ANKRD44: variants seen among roughly 807,000 people sequenced by gnomAD.
ANKRD44 encodes ankyrin repeat domain 44, also known as serine/threonine-protein phosphatase 6 regulatory ankyrin repeat subunit B.
ANKRD44 carries 35 observed loss-of-function variants against 116.0 expected under a neutral mutation model. The ratio of observed to expected loss-of-function variants is 0.30; its 90% CI spans 0.23 to 0.40. ANKRD44 has a LOEUF of 0.40. Ranked by LOEUF, ANKRD44 falls within the 10% of genes least tolerant of loss-of-function variation. ANKRD44 has a pLI of 1.00. For synonymous variants in ANKRD44, 435 were observed against 461.8 expected, an observed-to-expected ratio of 0.94 and a Z score of 0.74; for missense variants, 1,014 against 1,242.6, an observed-to-expected ratio of 0.82 and a Z score of 2.77.
chr2:196,988,194 T>G lies in ANKRD44; in HGVS notation c.*1397A>C, dbSNP rs2075861133. 2.0e-6 allele frequency: 2 copies of G among 984,662 alleles called. No individual in the cohort carries two copies. The highest frequency in any genetic ancestry group is 2.4e-6 in the Non-Finnish European group (2 of 829,330). 61.0% of individuals were successfully genotyped at this position (984,662 alleles called of 1,614,324 possible). On this transcript the variant is annotated 3_prime_UTR_variant, in exon 28 of 28. Transcript: ENST00000282272. ...AAAAATGTTAACGCTGCTTTGCCAT[T>G]AAAGCAAGCATTTCATTTCCTGCTT...
intron 1 of ANKRD44, among the ~76,000 whole-genome samples, chr2:197,204,523 C>T (rs1444864614): frequency 2.6e-5 from 4 of 152,126 alleles, no homozygotes; most frequent in Admixed American, 2.0e-4. Flanking sequence ...TAGACAAGAG[C>T]ATAGAGTGGT....
At chr2:197,193,612 G>T (rs1282584576) in intron 1 of ANKRD44, among the ~76,000 whole-genome samples, 2 of 152,104 alleles carry the variant, frequency 1.3e-5, no homozygotes, top group Non-Finnish European at 2.9e-5. Flanking sequence ...AGGCGCGGTG[G>T]CTCACACCTG....
intron 21 of ANKRD44, among the ~76,000 whole-genome samples, chr2:196,979,168 G>A (rs1482647478): frequency 6.6e-6 from 1 of 151,756 alleles, no homozygotes; most frequent in Non-Finnish European, 1.5e-5. Flanking sequence ...AGGCCGAGGC[G>A]GGCGGATCAC....
rs1268116695 is a variant in ANKRD44 at position 197,203,816 on chromosome 2, C to T, written c.28-16710G>A. Among the ~76,000 whole-genome samples the T allele has an allele frequency of 6.6e-6, 1 of 152,148 alleles. No homozygotes were observed. Among genetic ancestry groups the T allele is most frequent in the Non-Finnish European group, 1.5e-5 (1 of 68,036 alleles). ...GAACAGCGTATAATGATAGATGCTA[C>T]AACATGGATGAACCTTGGAAACATT... On this transcript the variant is annotated intron_variant, in intron 1 of 27. Coordinates refer to ENST00000282272, the MANE Select transcript of ANKRD44 (RefSeq NM_001195144.2). This position sits in a 1 kb window ranked among gnomAD's most constrained non-coding sequence, Gnocchi z 4.1.
chr2:197,150,427 T>C (rs2125445818), intron 2 of ANKRD44, among the ~76,000 whole-genome samples: 1 of 152,198 alleles, frequency 6.6e-6, no homozygotes, highest in African/African-American at 2.4e-5. Context: ...AGGGCGCCTG[T>C]AGTCCCAGCT....
intron 3 of ANKRD44, among the ~76,000 whole-genome samples, chr2:197,139,897 T>TGTGTGTGA (rs1434883595): frequency 4.6e-4 from 61 of 131,404 alleles, no homozygotes; most frequent in African/African-American, 1.7e-3. Flanking sequence ...TGTGTGTGTG[T>TGTGTGTGA]GAAACGGAGT....
chr2:197,126,564 T>C (rs1233331826), intron 4 of ANKRD44, among the ~76,000 whole-genome samples: 1 of 152,184 alleles, frequency 6.6e-6, no homozygotes, highest in Non-Finnish European at 1.5e-5. Flanking sequence ...GTCACTTCTT[T>C]TGCCATTGTT....
At chr2:197,144,864 A>G (rs1156436652) in intron 3 of ANKRD44, among the ~76,000 whole-genome samples, 1 of 152,232 alleles carries the variant, frequency 6.6e-6, no homozygotes, top group Non-Finnish European at 1.5e-5. Context: ...TTCATGCTGC[A>G]GAATTAAAAT....
intron 1 of ANKRD44, among the ~76,000 whole-genome samples, chr2:197,284,503 AACAC>A (rs10547024): frequency 0.087 from 12,022 of 137,764 alleles, 1,241 homozygotes; most frequent in African/African-American, 0.25. Context: ...CAGAGAGTCA[AACAC>A]ACACACACAC....
intron 16 of ANKRD44, among the ~76,000 whole-genome samples, chr2:197,049,942 A>C (rs563563160): frequency 1.9e-4 from 29 of 152,316 alleles, no homozygotes; most frequent in Non-Finnish European, 3.2e-4. Context: ...CCACTGTATT[A>C]GTCCATTCTC....
rs755385963 is a variant in ANKRD44, at chr2:197,310,748, G to A, written c.-144C>T. 185 of 792,608 alleles carry A rather than the reference G, an allele frequency of 2.3e-4. No individual in the cohort carries two copies. Among genetic ancestry groups the A allele is most frequent in the Non-Finnish European group, 2.8e-4 (168 of 607,536 alleles). 49.1% of individuals were successfully genotyped at this position (792,608 alleles called of 1,614,324 possible). ...ACAGCCCTCCCCCTGCTCCTCCTCC[G>A]CCGCCGCCTCCTCCCGCCGAGAGGC... On this transcript the variant is annotated 5_prime_UTR_variant, in exon 1 of 28. Transcript: ENST00000282272.
At chr2:197,258,788 T>A (rs1306745486) in intron 1 of ANKRD44, among the ~76,000 whole-genome samples, 1 of 152,226 alleles carries the variant, frequency 6.6e-6, no homozygotes, top group Non-Finnish European at 1.5e-5. Context: ...CTGATGAGTA[T>A]GAAGTGGTAT....
chr2:197,122,655 C>A lies in ANKRD44; in HGVS notation c.688G>T (p.Val230Leu), dbSNP rs745580445. The change falls in exon 7 of 28, where the codon GTG becomes TTG. Residue 230 changes from valine (V) to leucine (L), a missense_variant. By Grantham distance (32) the Val-to-Leu change is conservative. Transcript: ENST00000282272. ...ATGCATTCATCATAGCTCACCTCCA[C>A]CCCCAGGTTCAGGAGATGCTTGACA... ...NVVKHLLNLG[V>L]EIDEINVYGN... The A allele has an allele frequency of 1.2e-6, 2 of 1,613,692 alleles. No homozygotes were observed. Among genetic ancestry groups the A allele is most frequent in the African/African-American group, 2.7e-5 (2 of 75,042 alleles).
At chr2:197,296,909 G>A (rs903924997) in intron 1 of ANKRD44, among the ~76,000 whole-genome samples, 1 of 152,096 alleles carries the variant, frequency 6.6e-6, no homozygotes, top group African/African-American at 2.4e-5. Flanking sequence ...AAATTAATTC[G>A]AGACTTGAAA....
At chr2:197,004,874 AT>A (rs2076175094) in intron 21 of ANKRD44, among the ~76,000 whole-genome samples, 1 of 152,168 alleles carries the variant, frequency 6.6e-6, no homozygotes, top group Non-Finnish European at 1.5e-5. Flanking sequence ...ACCTGGTTGA[AT>A]AAATAATAAG....
At chr2:197,067,422 C>T (rs1559035876) in intron 16 of ANKRD44, among the ~76,000 whole-genome samples, 1 of 151,864 alleles carries the variant, frequency 6.6e-6, no homozygotes. Context: ...AGTGAACAGG[C>T]AACCTACAAC....
chr2:197,110,280 G>GCCCA, intron 9 of ANKRD44, among the ~76,000 whole-genome samples: 1 of 151,986 alleles, frequency 6.6e-6, no homozygotes, highest in East Asian at 1.9e-4. Context: ...GCCCACCTAA[G>GCCCA]CCTGTGATTT....
At chr2:197,202,327 T>C (rs143456654) in intron 1 of ANKRD44, among the ~76,000 whole-genome samples, 1 of 151,974 alleles carries the variant, frequency 6.6e-6, no homozygotes, top group African/African-American at 2.4e-5. Context: ...GAAACCTCTG[T>C]TTTCTTACCA....
At chr2:197,187,946 GT>G (rs1384436055) in intron 1 of ANKRD44, among the ~76,000 whole-genome samples, 1 of 151,896 alleles carries the variant, frequency 6.6e-6, no homozygotes, top group African/African-American at 2.4e-5. Context: ...AATGTTCCTT[GT>G]TATCCTCAAA....
Sources: allele counts gnomAD v4.1 joint callset (sites outside exome capture counted in the v4.1 genomes callset), GRCh38; gene constraint gnomAD v4.1.1; non-coding constraint Gnocchi (gnomAD v3.1); transcripts MANE v1.5; gene names NCBI Gene and HGNC (gene_info 2026-07-23, HGNC 2026-07-21).